The following SYMPK variants were observed in gnomAD, a reference collection of about 807,000 sequenced individuals.
SYMPK encodes the protein symplekin scaffold protein.
A neutral mutation model predicts 136.4 loss-of-function variants in SYMPK; 49 were observed. The observed-to-expected ratio is 0.36, with a 90% CI of 0.29 to 0.46. The LOEUF is 0.46. Among genes scored for constraint, SYMPK ranks in the 20% least tolerant of loss-of-function variants. The probability of loss-of-function intolerance (pLI) is 1.00; values close to 1 mark genes in which losing one functional copy is unlikely to be tolerated. For synonymous variants in SYMPK, 766 were observed against 713.0 expected (o/e 1.07, Z -1.19); for missense variants, 1,365 against 1,690.0 (o/e 0.81, Z 3.37).
chr19:45,862,609 C>T (rs1228226837), intron 1 of SYMPK: 1 of 156,488 alleles, frequency 6.4e-6, no homozygotes, highest in African/African-American at 2.4e-5. Flanking sequence ...AGGCGGATTT[C>T]TGGATGGAGG....
At chr19:45,837,616 CAA>C (rs58960244) in intron 10 of SYMPK, among the ~76,000 whole-genome samples, 2 of 77,540 alleles carry the variant, frequency 2.6e-5, no homozygotes, top group Admixed American at 1.6e-4. Context: ...GACTCTGCCT[CAA>C]AAAAAAAAAA....
chr19:45,823,315 C>T, intron 20 of SYMPK, 57 bp downstream of exon 20: 2 of 1,545,872 alleles, frequency 1.3e-6, no homozygotes, highest in Middle Eastern at 1.7e-4. Context: ...GCTGCCCTGC[C>T]CCTCCCAGTC....
At chr19:45,835,917 T>TAAAGAAAGAAAGAAAG (rs71340704) in intron 10 of SYMPK, among the ~76,000 whole-genome samples, 85 of 147,918 alleles carry the variant, frequency 5.7e-4, no homozygotes, top group African/African-American at 1.4e-3. Context: ...ATCTCATTCA[T>TAAAGAAAGAAAGAAAG]AAAGAAAGAA....
rs557692962 is a variant in SYMPK, at chr19:45,838,532, C to T, written c.1171G>A (p.Gly391Ser). 3.4e-5 allele frequency: 55 copies of T among 1,614,122 alleles called. No individual in the cohort carries two copies. The African/African-American group carries it at 3.5e-4, about 10-fold the overall frequency. Residue 391 changes from glycine to serine, a missense_variant, in exon 10 of 27, where the codon GGC (glycine) becomes AGC (serine). Gly to Ser is a moderately conservative substitution (Grantham distance 56). Transcript: ENST00000245934. ...GTSKASAQIS[G>S]QSDTDITAEF... ...GCTGTGATGTCCGTGTCTGACTGGC[C>T]GGAGATCTGCGCTGAGGCCTTCGAG...
At position 45,842,291 on chromosome 19, in the gene SYMPK, G is replaced by A. The variant is rs150989264; in HGVS notation, c.1046C>T (p.Pro349Leu). ...MPSSKDTRKR[P>L]RDDSDSTLKK... ...GAGTGTGGAGTCCGAGTCATCGCGG[G>A]GCCGCTTGCGGGTGTCCTTGCTGCT... is the stretch of plus-strand genomic sequence containing the variant. Residue 349 changes from proline to leucine, a missense_variant, in exon 9 of 27, where the codon CCC becomes CTC. By Grantham distance (98) the Pro-to-Leu change is moderately conservative. This residue lies in a region of SYMPK where 111 missense variants were observed against 141.2 expected (regional missense o/e 0.79). Coordinates refer to ENST00000245934, the MANE Select transcript of SYMPK (RefSeq NM_004819.3). 4 of 1,614,062 alleles carry A rather than the reference G, an allele frequency of 2.5e-6. No individual in the cohort carries two copies. In the African/African-American group the frequency reaches 4.0e-5, roughly 16 times the overall value.
chr19:45,842,106 G>C (rs1050225920), intron 9 of SYMPK, 144 bp downstream of exon 9: 14 of 1,344,410 alleles, frequency 1.0e-5, no homozygotes, highest in Non-Finnish European at 1.4e-5. Flanking sequence ...AAAGTGCTGG[G>C]AATACAGGTG....
intron 15 of SYMPK, 56 bp from the exon 16 acceptor site, chr19:45,827,679 C>CT: frequency 1.9e-6 from 3 of 1,539,798 alleles, no homozygotes; most frequent in Non-Finnish European, 2.7e-6. Context: ...CCTCTGGGCT[C>CT]TGTCTTTCCT....
chr19:45,848,942 G>T, intron 5 of SYMPK, 66 bp from the exon 6 acceptor site: 1 of 1,591,492 alleles, frequency 6.3e-7, no homozygotes, highest in South Asian at 1.1e-5. Context: ...AGGAGCCTGA[G>T]GTCCAGGAGG....
At chr19:45,822,647 G>C in intron 21 of SYMPK, 109 bp downstream of exon 21, 1 of 838,262 alleles carries the variant, frequency 1.2e-6, no homozygotes, top group Non-Finnish European at 2.0e-6. Context: ...TGGTGTCCCA[G>C]GGAGCAGGAT....
chr19:45,862,304 A>C (rs975008990), intron 1 of SYMPK, among the ~76,000 whole-genome samples: 30 of 152,138 alleles, frequency 2.0e-4, no homozygotes, highest in Admixed American at 1.7e-3. Flanking sequence ...TTCCCTCTCG[A>C]TGTACTCGTT....
At chr19:45,823,579 CT>C in intron 19 of SYMPK, 107 bp from the exon 20 acceptor site, 1 of 1,129,890 alleles carries the variant, frequency 8.9e-7, no homozygotes, top group Non-Finnish European at 1.3e-6. Context: ...GGGATGGCAA[CT>C]TCACCCTTGG....
intron 12 of SYMPK, 62 bp downstream of exon 12, chr19:45,831,322 C>T: frequency 7.2e-7 from 1 of 1,385,990 alleles, no homozygotes; most frequent in African/African-American, 1.5e-5. Flanking sequence ...CGCACACGAG[C>T]TGAGAACCAG....
intron 25 of SYMPK, 97 bp from the exon 26 acceptor site, chr19:45,816,280 T>C: frequency 8.8e-7 from 1 of 1,135,530 alleles, no homozygotes; most frequent in Non-Finnish European, 1.2e-6. Context: ...TTTGAGTTCT[T>C]CACCAAGAGC....
chr19:45,838,731 C>G, intron 9 of SYMPK, 116 bp from the exon 10 acceptor site: 1 of 1,187,466 alleles, frequency 8.4e-7, no homozygotes, highest in African/African-American at 1.5e-5. Context: ...CAGGAGCAAA[C>G]AGCGGATGAA....
rs771262005 is a variant in SYMPK at position 45,854,158 on chromosome 19, G to GC, written c.171+16dup. 77 of 1,613,596 alleles carry GC rather than the reference G, an allele frequency of 4.8e-5. No homozygotes were observed. Among genetic ancestry groups the GC allele is most frequent in the Middle Eastern group, 1.6e-4 (1 of 6,062 alleles). On this transcript the variant is annotated intron_variant, in intron 3 of 26. Coordinates refer to ENST00000245934, the MANE Select transcript of SYMPK (RefSeq NM_004819.3). ...CCCTTTCACCTGCTCAGCCCAGGAT[G>GC]CCCCCCGGGCCCTCACCTGTTTGAG...
intron 18 of SYMPK, among the ~76,000 whole-genome samples, chr19:45,824,797 ACTG>A (rs1316764295): frequency 6.6e-6 from 1 of 152,198 alleles, no homozygotes; most frequent in East Asian, 1.9e-4. Context: ...CGTTAGCAAC[ACTG>A]GGAAGGCCAG....
Position 45,816,065 on chromosome 19 carries a change from T to C in SYMPK, c.3473A>G (p.Lys1158Arg). ...GGCTCCCACTCCTCCCGGCTTCAGCTTCTGTTCCTCCTCCAGCTGCCGCTT... is the reference window on the plus strand; with the variant it reads ...GGCTCCCACTCCTCCCGGCTTCAGCCTCTGTTCCTCCTCCAGCTGCCGCTT... ...ALKRQLEEEQ[K>R]LKPGGVGAPS... Residue 1158 changes from lysine (K) to arginine (R), a missense_variant, in exon 26 of 27, where the codon AAG becomes AGG. Transcript: ENST00000245934. The C allele has an allele frequency of 6.4e-7, 1 of 1,562,510 alleles. No individual in the cohort carries two copies. The highest frequency in any genetic ancestry group is 2.4e-5 in the East Asian group (1 of 42,358).
At position 45,838,691 on chromosome 19, in the gene SYMPK, TGGTCCC is replaced by T. The variant is rs1971364960; in HGVS notation, c.1088-82_1088-77del. ...CCTCCATCCTTCCGGGGTGCCCGGGTGGTCCCTGCCTCTAGTCAGCCTCAGCAAACA... is the reference window on the plus strand; with the variant it reads ...CCTCCATCCTTCCGGGGTGCCCGGGTTGCCTCTAGTCAGCCTCAGCAAACA... On this transcript the variant is annotated intron_variant, in intron 9 of 26. Transcript: ENST00000245934. 3 of 1,498,464 alleles carry T rather than the reference TGGTCCC, an allele frequency of 2.0e-6. No individual in the cohort carries two copies. The African/African-American group carries it at 4.1e-5, about 21-fold the overall frequency. The allele number at this position is 1,498,464 out of a possible 1,614,324, so 92.8% of individuals were successfully genotyped here.
chr19:45,853,142 G>C (rs1305857395), intron 3 of SYMPK, among the ~76,000 whole-genome samples: 1 of 152,180 alleles, frequency 6.6e-6, no homozygotes, highest in Admixed American at 6.5e-5. Context: ...GGAGGCACCA[G>C]GTGCATCCAC....
Sources: gnomAD v4.1 joint callset for allele counts (sites outside exome capture counted in the v4.1 genomes callset) on GRCh38, gnomAD v4.1.1 for gene constraint, gnomAD v4.1.1 regional missense constraint, MANE v1.5 for transcripts, NCBI Gene and HGNC (gene_info 2026-07-23, HGNC 2026-07-21) for gene names.